The following PGM1 variants were observed in gnomAD, a reference collection of about 807,000 sequenced individuals.
The protein encoded by PGM1 is phosphoglucomutase 1, also known as phosphoglucomutase-1.
Under a neutral mutation model 55.6 loss-of-function variants are expected in PGM1, and 52 were observed. That is an observed-to-expected ratio of 0.94 (90% CI 0.75 to 1.18). PGM1 has a LOEUF of 1.18. Among genes scored for constraint, PGM1 ranks in the 50% most tolerant of loss-of-function variants. PGM1 has a pLI of 0.00. For synonymous variants in PGM1, 287 were observed against 271.7 expected, an observed-to-expected ratio of 1.06 and a Z score of -0.55; for missense variants, 724 against 729.3, an observed-to-expected ratio of 0.99 and a Z score of 0.08.
chr1:63,654,512 A>C, intron 10 of PGM1, 46 bp downstream of exon 10: 1 of 1,602,916 alleles, frequency 6.2e-7, no homozygotes, highest in Non-Finnish European at 8.5e-7. Flanking sequence ...TGTTCAAGGG[A>C]ATGATAGTTT....
At chr1:63,608,024 C>G (rs760491355) in intron 1 of PGM1, among the ~76,000 whole-genome samples, 2 of 152,152 alleles carry the variant, frequency 1.3e-5, no homozygotes, top group Non-Finnish European at 2.9e-5. Flanking sequence ...GTGCCGCAGA[C>G]AGTAAAAACA....
At chr1:63,622,375 T>G (rs1648903764) in intron 1 of PGM1, among the ~76,000 whole-genome samples, 1 of 152,302 alleles carries the variant, frequency 6.6e-6, no homozygotes, top group Non-Finnish European at 1.5e-5. Context: ...ATCTCAGGGA[T>G]CAAATGGAAT....
At chr1:63,604,544 C>T (rs1400265730) in intron 1 of PGM1, among the ~76,000 whole-genome samples, 1 of 152,118 alleles carries the variant, frequency 6.6e-6, no homozygotes, top group Non-Finnish European at 1.5e-5. Context: ...ATCTAACATG[C>T]AGGCCACATT....
chr1:63,599,512 AC>A (rs1467909045), intron 1 of PGM1, among the ~76,000 whole-genome samples: 9 of 141,726 alleles, frequency 6.4e-5, no homozygotes, highest in African/African-American at 1.9e-4. Flanking sequence ...AAAAAAAAAA[AC>A]CACTTTTTAA....
chr1:63,629,701 G>A, intron 2 of PGM1, 114 bp downstream of exon 2: 3 of 1,090,014 alleles, frequency 2.8e-6, no homozygotes, highest in Non-Finnish European at 2.8e-6. Flanking sequence ...GGGGTAGGGA[G>A]GTGCTCTTTG....
chr1:63,628,023 C>T (rs1649084989), intron 1 of PGM1, among the ~76,000 whole-genome samples: 1 of 152,102 alleles, frequency 6.6e-6, no homozygotes, highest in Non-Finnish European at 1.5e-5. Flanking sequence ...ATTATTGCTG[C>T]TGGATGGAGG....
chr1:63,622,772 A>G (rs565458458), intron 1 of PGM1, among the ~76,000 whole-genome samples: 15 of 152,314 alleles, frequency 9.8e-5, no homozygotes, highest in African/African-American at 3.6e-4. Flanking sequence ...AATCTGTTAG[A>G]TAATTTTTTT....
At position 63,620,134 on chromosome 1, in the gene PGM1, G is replaced by GT. The variant is rs566669102; in HGVS notation, c.247-9290dup. On this transcript the variant is annotated intron_variant, in intron 1 of 10. Transcript: ENST00000371084. Reference sequence around the variant, plus strand: ...CATTTTATAGGCTCAGATGAGTTAAGTAACTTGCTCTAGATTGTACCTCTC... The same window carrying GT: ...CATTTTATAGGCTCAGATGAGTTAAGTTAACTTGCTCTAGATTGTACCTCTC... 4.7e-3 allele frequency among the ~76,000 whole-genome samples: 715 copies of GT among 152,310 alleles called. 5 individuals carry two copies. The highest frequency in any genetic ancestry group is 5.1e-3 in the Non-Finnish European group (344 of 68,034).
rs1649199924 is a variant in PGM1, at chr1:63,631,708, T to C, written c.608T>C (p.Phe203Ser). ...EAYATMLRSIFDFSALKELLS... is the reference protein window; with the variant it reads ...EAYATMLRSISDFSALKELLS... ...TATGCTACAATGCTGAGAAGCATCT[T>C]TGATTTCAGTGCACTGAAAGAACTA... The change falls in exon 4 of 11, where the codon TTT (phenylalanine) becomes TCT (serine). Residue 203 changes from phenylalanine to serine, a missense_variant. Transcript: ENST00000371084. 1 of 1,612,310 alleles carries C rather than the reference T, an allele frequency of 6.2e-7. No homozygotes were observed. Among genetic ancestry groups the C allele is most frequent in the Non-Finnish European group, 8.5e-7 (1 of 1,178,464 alleles).
In PGM1 at chr1:63,593,696, G is replaced by T. The variant is rs765829037; in HGVS notation, c.208G>T (p.Ala70Ser). ...GGACGGCCGGTTCTACATGAAGGAG[G>T]CCATCCAGCTCATCGCTCGCATCGC... ...GGDGRFYMKE[A>S]IQLIARIAAA... The change falls in exon 1 of 11, where the codon GCC becomes TCC. Residue 70 changes from alanine to serine, a missense_variant. Around this residue, in one of 3 missense-constraint regions of PGM1, gnomAD observed 379 missense variants for 357.5 expected, o/e 1.06. Transcript: ENST00000371084. The T allele has an allele frequency of 1.2e-6, 2 of 1,603,490 alleles. No homozygotes were observed. Among genetic ancestry groups the T allele is most frequent in the Admixed American group, 3.4e-5 (2 of 59,076 alleles).
In PGM1 at chr1:63,660,062, T is replaced by C. The variant is rs1650077367; in HGVS notation, c.*387T>C. ...ATGATGGTGCAAGTTCCTTTCTCTT[T>C]TGTGAATCTTTCCCCCCATTTCCTG... On this transcript the variant is annotated 3_prime_UTR_variant, in exon 11 of 11. Coordinates refer to ENST00000371084, the MANE Select transcript of PGM1 (RefSeq NM_002633.3). The C allele has an allele frequency of 3.5e-6, 1 of 283,734 alleles. No individual in the cohort carries two copies. The highest frequency in any genetic ancestry group is 6.9e-6 in the Non-Finnish European group (1 of 144,342). The allele number at this position is 283,734 out of a possible 1,614,324, so 17.6% of individuals were successfully genotyped here. A position where few individuals can be genotyped will look rare whatever the true frequency, so the allele number is the denominator to read the frequency against.
chr1:63,622,130 T>G (rs1466769770), intron 1 of PGM1, among the ~76,000 whole-genome samples: 1 of 152,118 alleles, frequency 6.6e-6, no homozygotes, highest in African/African-American at 2.4e-5. Context: ...GTTCAAGCAA[T>G]TCTCCTGCCT....
Position 63,629,601 on chromosome 1 carries a change from C to A in PGM1, c.409+14C>A. 1 of 1,611,800 alleles carries A rather than the reference C, an allele frequency of 6.2e-7. No individual in the cohort carries two copies. Among genetic ancestry groups the A allele is most frequent in the South Asian group, 1.1e-5 (1 of 90,966 alleles). On this transcript the variant is annotated intron_variant, in intron 2 of 10. Coordinates refer to ENST00000371084, the MANE Select transcript of PGM1 (RefSeq NM_002633.3). ...TTTCTAATGGAGGTGAGTTTGCTGT[C>A]ATTTTGAGGACAGGTAAGTTTACAT...
Position 63,630,087 on chromosome 1 carries a change from A to C in PGM1, c.555A>C (p.Thr185=). The C allele has an allele frequency of 6.2e-7, 1 of 1,613,956 alleles. No individual in the cohort carries two copies. Among genetic ancestry groups the C allele is most frequent in the Non-Finnish European group, 8.5e-7 (1 of 1,179,814 alleles). ...FDLENKFKPF[T]VEIVDSVEAY... Reference sequence around the variant, plus strand: ...TGGAAAATAAGTTCAAACCCTTCACAGGCATGTTTACTTTCCTCCTCTTTC... The same window carrying C: ...TGGAAAATAAGTTCAAACCCTTCACCGGCATGTTTACTTTCCTCCTCTTTC... The change falls in exon 3 of 11, where the codon ACA becomes ACC. Residue 185 remains threonine (T), a splice_region_variant and synonymous_variant. Transcript: ENST00000371084.
At chr1:63,639,433 G>A (rs540233458) in intron 7 of PGM1, among the ~76,000 whole-genome samples, 26 of 151,868 alleles carry the variant, frequency 1.7e-4, no homozygotes, top group Middle Eastern at 3.4e-3. Context: ...CACTCTCTGC[G>A]CTCTCCTTCC....
At chr1:63,594,268 G>A in intron 1 of PGM1, 1 of 344,618 alleles carries the variant, frequency 2.9e-6, no homozygotes, top group Non-Finnish European at 4.0e-6. Context: ...GGTGGCGAGA[G>A]CACCCATCCC....
intron 1 of PGM1, among the ~76,000 whole-genome samples, chr1:63,609,494 C>T (rs1648511079): frequency 6.6e-6 from 1 of 152,168 alleles, no homozygotes; most frequent in Admixed American, 6.6e-5. Flanking sequence ...ACAGGCACTC[C>T]ATGGGTAGTT....
chr1:63,659,686 C>T lies in PGM1; in HGVS notation c.*11C>T, dbSNP rs1445182662. The T allele has an allele frequency of 6.3e-7, 1 of 1,597,098 alleles. No individual in the cohort carries two copies. The highest frequency in any genetic ancestry group is 2.2e-5 in the East Asian group (1 of 44,776). On this transcript the variant is annotated 3_prime_UTR_variant, in exon 11 of 11. Coordinates refer to ENST00000371084, the MANE Select transcript of PGM1 (RefSeq NM_002633.3). ...ACTGTCATCACCTAAGAAGACAGGC[C>T]TGATGTGGTACGTCCCTCCACCCCC... is the stretch of plus-strand genomic sequence containing the variant.
intron 1 of PGM1, among the ~76,000 whole-genome samples, chr1:63,625,407 A>G (rs1386414400): frequency 6.6e-6 from 1 of 152,244 alleles, no homozygotes; most frequent in Non-Finnish European, 1.5e-5. Context: ...TAAAACAGTC[A>G]TGCTAACCAA....
Sources: allele counts gnomAD v4.1 joint callset (sites outside exome capture counted in the v4.1 genomes callset), GRCh38; gene constraint gnomAD v4.1.1; regional missense constraint gnomAD v4.1.1; transcripts MANE v1.5; gene names NCBI Gene and HGNC (gene_info 2026-07-23, HGNC 2026-07-21).